The following PRDM1 variants were observed in gnomAD, a reference collection of about 807,000 sequenced individuals.
PRDM1 encodes the protein PR/SET domain 1, also known as PR domain zinc finger protein 1.
A neutral mutation model predicts 62.8 loss-of-function variants in PRDM1; 13 were observed. That is an observed-to-expected ratio of 0.21 (90% confidence interval 0.13 to 0.33). The LOEUF (loss-of-function observed/expected upper bound fraction) is 0.33, where lower values mean the gene tolerates loss of function less well. PRDM1 is among the 10% of genes least tolerant of loss of function. The pLI, the probability that PRDM1 is intolerant of heterozygous loss-of-function variation, is 1.00. For missense variants in PRDM1, 895 were observed against 1,058.8 expected, an observed-to-expected ratio of 0.85 and a Z score of 2.15; for synonymous variants, 396 against 417.6, an observed-to-expected ratio of 0.95 and a Z score of 0.63.
rs773725875 is a variant in PRDM1 at position 106,107,533 on chromosome 6, A to T, written c.*47A>T. The T allele has an allele frequency of 8.6e-6, 13 of 1,504,928 alleles. 1 individual carries two copies. In the South Asian group the frequency reaches 1.5e-4, roughly 18 times the overall value. 93.2% of individuals were successfully genotyped at this position (1,504,928 alleles called of 1,614,324 possible). On this transcript the variant is annotated 3_prime_UTR_variant, in exon 7 of 7. Transcript: ENST00000369096. Reference sequence around the variant, plus strand: ...TTGTTTCTTAAGTTATGACTTGGTGAGTCAGGGTGCCTGTAGGAAGTGGCT... The same window carrying T: ...TTGTTTCTTAAGTTATGACTTGGTGTGTCAGGGTGCCTGTAGGAAGTGGCT...
At chr6:106,009,878 C>T (rs906455983) in intron 1 of PRDM1, among the ~76,000 whole-genome samples, 3 of 152,096 alleles carry the variant, frequency 2.0e-5, no homozygotes, top group African/African-American at 4.8e-5. Flanking sequence ...CCACCACGCC[C>T]GGCTAGTTTT....
At chr6:106,015,353 A>G (rs888688950) in intron 1 of PRDM1, among the ~76,000 whole-genome samples, 2 of 152,224 alleles carry the variant, frequency 1.3e-5, no homozygotes, top group African/African-American at 4.8e-5. Context: ...AAAAAGTGCT[A>G]CTTGGGCAAA....
At chr6:106,080,254 G>A (rs1278114319) in intron 1 of PRDM1, among the ~76,000 whole-genome samples, 1 of 152,180 alleles carries the variant, frequency 6.6e-6, no homozygotes, top group East Asian at 1.9e-4. Flanking sequence ...TCTAGCAGTT[G>A]GATCCTAAGT....
rs967630039 is a variant in PRDM1, at chr6:106,108,311, TC to T, written c.*828del. On this transcript the variant is annotated 3_prime_UTR_variant, in exon 7 of 7. Coordinates refer to ENST00000369096, the MANE Select transcript of PRDM1 (RefSeq NM_001198.4). ...CTCTCCCTCCAAAAGAGCAGAATCCTCCCACCGCCCTGCCCTCCCCACCGAG... is the reference window on the plus strand; with the variant it reads ...CTCTCCCTCCAAAAGAGCAGAATCCTCCACCGCCCTGCCCTCCCCACCGAG... 8.6e-6 allele frequency: 2 copies of T among 233,474 alleles called. No individual in the cohort carries two copies. The highest frequency in any genetic ancestry group is 1.7e-5 in the Non-Finnish European group (2 of 117,982). The allele number at this position is 233,474 out of a possible 1,614,324, so 14.5% of individuals were successfully genotyped here. A position where few individuals can be genotyped will look rare whatever the true frequency, so the allele number is the denominator to read the frequency against.
At position 106,106,510 on chromosome 6, in the gene PRDM1, T is replaced by C. The variant is rs1774494743; in HGVS notation, c.1902+11T>C. 6.2e-7 allele frequency: 1 copy of C among 1,612,482 alleles called. No homozygotes were observed. Among genetic ancestry groups the C allele is most frequent in the African/African-American group, 1.3e-5 (1 of 74,898 alleles). On this transcript the variant is annotated intron_variant, in intron 6 of 6. Coordinates refer to ENST00000369096, the MANE Select transcript of PRDM1 (RefSeq NM_001198.4). The surrounding 1 kb of genome is among the most constrained non-coding windows in gnomAD (Gnocchi z 4.4). ...CCACATGAATGCCAGGTGCGCAGTA[T>C]TTTCTGGGTAGACCTTCTGACCTTT...
At chr6:106,032,490 T>G (rs550286966) in intron 1 of PRDM1, among the ~76,000 whole-genome samples, 2 of 152,276 alleles carry the variant, frequency 1.3e-5, no homozygotes, top group Middle Eastern at 3.4e-3. Context: ...CAGGCTAGAG[T>G]GCAGTGGCGC....
upstream of PRDM1, among the ~76,000 whole-genome samples, chr6:106,082,754 C>G (rs1773714398): frequency 6.6e-6 from 1 of 152,118 alleles, no homozygotes; most frequent in Non-Finnish European, 1.5e-5. Flanking sequence ...TCCAACAGCC[C>G]CTGAAGGTCA....
chr6:106,047,943 G>T (rs1416901733), upstream of PRDM1, among the ~76,000 whole-genome samples: 1 of 152,194 alleles, frequency 6.6e-6, no homozygotes, highest in Admixed American at 6.5e-5. Flanking sequence ...TTCTAGCTGT[G>T]AAACTGCATA....
chr6:106,047,595 C>T (rs1346871139), upstream of PRDM1, among the ~76,000 whole-genome samples: 2 of 152,210 alleles, frequency 1.3e-5, no homozygotes, highest in Non-Finnish European at 2.9e-5. Context: ...AGGATCACCA[C>T]TGCAATGCCC....
chr6:106,000,972 G>C (rs2114542184), intron 1 of PRDM1, among the ~76,000 whole-genome samples: 1 of 152,252 alleles, frequency 6.6e-6, no homozygotes, highest in Middle Eastern at 3.4e-3. Flanking sequence ...TTTTCAGAGT[G>C]GTTGCATTAA....
At chr6:106,051,357 G>T (rs1773171238) in intron 1 of PRDM1, among the ~76,000 whole-genome samples, 2 of 152,224 alleles carry the variant, frequency 1.3e-5, no homozygotes, top group African/African-American at 2.4e-5. Flanking sequence ...GACTAAGCTT[G>T]TAGACCAAGG....
Position 106,038,014 on chromosome 6 carries a change from C to CTTTTTTTTTTTTTTT in PRDM1, c.-67+44381_-67+44395dup, listed in dbSNP as rs1227783243. On this transcript the variant is annotated intron_variant, in intron 1 of 6. Coordinates refer to the PRDM1 transcript ENST00000652320. ...CTTTCCTATGGTTTGCTATTTTTGT[C>CTTTTTTTTTTTTTTT]TTTTTTTTTTTTTTTTTTTTGAGAC... Among the ~76,000 whole-genome samples the CTTTTTTTTTTTTTTT allele has an allele frequency of 6.5e-3, 311 of 47,784 alleles. 85 individuals are homozygous for CTTTTTTTTTTTTTTT. The highest frequency in any genetic ancestry group is 8.0e-3 in the African/African-American group (93 of 11,660). 31.3% of individuals were successfully genotyped at this position (47,784 alleles called of 152,430 possible). A position where few individuals can be genotyped will look rare whatever the true frequency, so the allele number is the denominator to read the frequency against.
At chr6:105,996,310 C>T (rs62421073) in intron 1 of PRDM1, among the ~76,000 whole-genome samples, 14,234 of 151,972 alleles carry the variant, frequency 0.094, 803 homozygotes, top group African/African-American at 0.15. Context: ...AATGTGGTAG[C>T]CACTGGTTCT....
intron 1 of PRDM1, among the ~76,000 whole-genome samples, chr6:106,023,128 C>T (rs1244536149): frequency 6.6e-6 from 1 of 152,168 alleles, no homozygotes; most frequent in East Asian, 1.9e-4. Flanking sequence ...AATTCATTAG[C>T]ACTGTCTTGA....
In PRDM1 at chr6:106,109,091, C is replaced by CAAAAAAAAA. The variant is rs36077280; in HGVS notation, c.*1619_*1627dup. On this transcript the variant is annotated 3_prime_UTR_variant, in exon 7 of 7. Coordinates refer to ENST00000369096, the MANE Select transcript of PRDM1 (RefSeq NM_001198.4). ...GTAAAAGATCTACTTTTTCTAAGGG[C>CAAAAAAAAA]AAAAAAAAAAAAAAAAAAAAAAGAA... is the stretch of plus-strand genomic sequence containing the variant. 9 of 117,372 alleles carry CAAAAAAAAA rather than the reference C, an allele frequency of 7.7e-5. No individual in the cohort carries two copies. The highest frequency in any genetic ancestry group is 1.1e-4 in the Non-Finnish European group (7 of 62,470). 7.3% of individuals were successfully genotyped at this position (117,372 alleles called of 1,614,324 possible). A position where few individuals can be genotyped will look rare whatever the true frequency, so the allele number is the denominator to read the frequency against.
intron 1 of PRDM1, among the ~76,000 whole-genome samples, chr6:106,009,166 T>C (rs1772516215): frequency 6.6e-6 from 1 of 152,232 alleles, no homozygotes; most frequent in Admixed American, 6.5e-5. Flanking sequence ...CAGCATAAAT[T>C]TACTTTGACA....
chr6:106,103,900 C>T (rs988697363), intron 4 of PRDM1, among the ~76,000 whole-genome samples: 3 of 152,172 alleles, frequency 2.0e-5, no homozygotes, highest in Non-Finnish European at 2.9e-5. Flanking sequence ...TGCTGGGATC[C>T]TGGCTAGACC....
chr6:106,107,665 C>G lies in PRDM1; in HGVS notation c.*179C>G. On this transcript the variant is annotated 3_prime_UTR_variant, in exon 7 of 7. Coordinates refer to ENST00000369096, the MANE Select transcript of PRDM1 (RefSeq NM_001198.4). ...AGTTACTGAAATCTCAGGGCATGAA[C>G]AAGGCAAAGGCCATATATATATATA... 1 of 339,566 alleles carries G rather than the reference C, an allele frequency of 2.9e-6. No individual in the cohort carries two copies. The highest frequency in any genetic ancestry group is 5.0e-6 in the Non-Finnish European group (1 of 199,018). 21.0% of individuals were successfully genotyped at this position (339,566 alleles called of 1,614,324 possible).
At chr6:106,027,219 T>C (rs1002490510) in intron 1 of PRDM1, among the ~76,000 whole-genome samples, 1 of 152,246 alleles carries the variant, frequency 6.6e-6, no homozygotes, top group African/African-American at 2.4e-5. Context: ...TCGCTGCACT[T>C]GTGCAAACGG....
Sources: allele counts gnomAD v4.1 joint callset (sites outside exome capture counted in the v4.1 genomes callset), GRCh38; gene constraint gnomAD v4.1.1; non-coding constraint Gnocchi (gnomAD v3.1); transcripts MANE v1.5; gene names NCBI Gene and HGNC (gene_info 2026-07-23, HGNC 2026-07-21).